The following OR5A2 variants were observed in gnomAD, a reference collection of about 807,000 sequenced individuals.
The protein encoded by OR5A2 is olfactory receptor 5A2.
For synonymous variants in OR5A2, 155 were observed against 151.1 expected, an observed-to-expected ratio of 1.03 and a Z score of -0.19; for missense variants, 406 against 398.9, an observed-to-expected ratio of 1.02 and a Z score of -0.15.
chr11:59,423,145 T>C, intron 1 of OR5A2, 101 bp from the exon 2 acceptor site: 1 of 610,600 alleles, frequency 1.6e-6, no homozygotes, highest in Non-Finnish European at 2.9e-6. Flanking sequence ...CAGCCTAGGA[T>C]AATCCATATG....
chr11:59,422,735 G>A lies in OR5A2; in HGVS notation c.219C>T (p.Cys73=), dbSNP rs374042824. 1.9e-6 allele frequency: 3 copies of A among 1,614,014 alleles called. No homozygotes were observed. The highest frequency in any genetic ancestry group is 2.7e-5 in the African/African-American group (2 of 74,932). Residue 73 remains cysteine, a synonymous_variant, in exon 2 of 2, where the codon TGC becomes TGT. Transcript: ENST00000302040. ...TCTTAGGGGCGGTGGAGGACACATA[G>A]CAGATGTCCAGGAAGGACAGGTTAC... ...FLSNLSFLDI[C]YVSSTAPKML...
Position 59,422,755 on chromosome 11 carries a change from G to C in OR5A2, c.199C>G (p.Leu67Val). Reference sequence around the variant, plus strand: ...ACATAGCAGATGTCCAGGAAGGACAGGTTACTGAGGAAGAAGTACATGGGC... The same window carrying C: ...ACATAGCAGATGTCCAGGAAGGACACGTTACTGAGGAAGAAGTACATGGGC... The part of the protein sequence containing the change: ...HMPMYFFLSN[L>V]SFLDICYVSS... Residue 67 changes from leucine (L) to valine (V), a missense_variant, in exon 2 of 2, where the codon CTG becomes GTG. Physicochemically the swap from Leu to Val is conservative, Grantham distance 32. Transcript: ENST00000302040. 1 of 1,614,174 alleles carries C rather than the reference G, an allele frequency of 6.2e-7. No individual in the cohort carries two copies. Among genetic ancestry groups the C allele is most frequent in the Non-Finnish European group, 8.5e-7 (1 of 1,180,004 alleles).
At chr11:59,424,785 G>T (rs1435442400) in intron 1 of OR5A2, 1 of 152,096 alleles carries the variant, frequency 6.6e-6, no homozygotes, top group Non-Finnish European at 1.5e-5. Flanking sequence ...ATTAAAAACT[G>T]CTCCTAGCTT....
Position 59,422,659 on chromosome 11 carries a change from C to T in OR5A2, c.295G>A (p.Ala99Thr). 1 of 1,614,164 alleles carries T rather than the reference C, an allele frequency of 6.2e-7. No homozygotes were observed. Among genetic ancestry groups the T allele is most frequent in the Non-Finnish European group, 8.5e-7 (1 of 1,180,030 alleles). Reference sequence around the variant, plus strand: ...CCACAGAAGACAAAGTACTGAGTGGCACAGCCAACAAAGGAAATGGTTTTC... The same window carrying T: ...CCACAGAAGACAAAGTACTGAGTGGTACAGCCAACAAAGGAAATGGTTTTC... ...EQKTISFVGC[A>T]TQYFVFCGMG... The change falls in exon 2 of 2, where the codon GCC becomes ACC. Residue 99 changes from alanine to threonine, a missense_variant. Transcript: ENST00000302040.
chr11:59,419,268 A>G lies in OR5A2; in HGVS notation c.*2711T>C, dbSNP rs955192765. The G allele has an allele frequency of 6.6e-6, 1 of 152,176 alleles. No individual in the cohort carries two copies. The highest frequency in any genetic ancestry group is 1.5e-5 in the Non-Finnish European group (1 of 68,024). The allele number at this position is 152,176 out of a possible 1,614,324, so 9.4% of individuals were successfully genotyped here. On this transcript the variant is annotated 3_prime_UTR_variant, in exon 2 of 2. Coordinates refer to ENST00000302040, the MANE Select transcript of OR5A2 (RefSeq NM_001001954.2). ...AAACTTATTTCTTTGGTCTCTTTTT[A>G]ACACATTACCCGGATTTTCCTTGAC...
chr11:59,419,177 T>C lies in OR5A2; in HGVS notation c.*2802A>G, dbSNP rs940540187. The stretch of plus-strand genomic sequence containing the variant: ...TGCTTCTGATATGCAAGAGAAATCA[T>C]AGAGATAGTAATATGGGTGCACCTG... On this transcript the variant is annotated 3_prime_UTR_variant, in exon 2 of 2. Coordinates refer to ENST00000302040, the MANE Select transcript of OR5A2 (RefSeq NM_001001954.2). The C allele has an allele frequency of 1.3e-5, 2 of 152,148 alleles. No homozygotes were observed. The highest frequency in any genetic ancestry group is 1.5e-5 in the Non-Finnish European group (1 of 68,020). The allele number at this position is 152,148 out of a possible 1,614,324, so 9.4% of individuals were successfully genotyped here.
chr11:59,422,260 C>A lies in OR5A2; in HGVS notation c.694G>T (p.Ala232Ser), dbSNP rs1276251405. 1 of 1,613,980 alleles carries A rather than the reference C, an allele frequency of 6.2e-7. No individual in the cohort carries two copies. The highest frequency in any genetic ancestry group is 1.3e-5 in the African/African-American group (1 of 74,898). Residue 232 changes from alanine to serine, a missense_variant, in exon 2 of 2, where the codon GCT becomes TCT. Transcript: ENST00000302040. ...CTGAAGGCCTTTGTCCTACCTGTAG[C>A]TGAGCTGATCTTCACAACAGCAGCA... is the stretch of plus-strand genomic sequence containing the variant. ...IVAAVVKISSATGRTKAFSTC... is the reference protein window; with the variant it reads ...IVAAVVKISSSTGRTKAFSTC...
chr11:59,417,929 C>CT lies in OR5A2; in HGVS notation c.*4049dup, dbSNP rs1176072409. 2.0e-5 allele frequency: 3 copies of CT among 152,182 alleles called. No homozygotes were observed. The highest frequency in any genetic ancestry group is 3.9e-4 in the East Asian group (2 of 5,144). The allele number at this position is 152,182 out of a possible 1,614,324, so 9.4% of individuals were successfully genotyped here. A position where few individuals can be genotyped will look rare whatever the true frequency, so the allele number is the denominator to read the frequency against. On this transcript the variant is annotated 3_prime_UTR_variant, in exon 2 of 2. Coordinates refer to ENST00000302040, the MANE Select transcript of OR5A2 (RefSeq NM_001001954.2). ...ACAACAACAAGGTGTCTACAAAACT[C>CT]TAACACTTAAACCATAAAATCAGCC...
chr11:59,421,161 G>T lies in OR5A2; in HGVS notation c.*818C>A. On this transcript the variant is annotated 3_prime_UTR_variant, in exon 2 of 2. Transcript: ENST00000302040. Reference sequence around the variant, plus strand: ...TTACAATCATGGCAGAAGGCAAAGGGGGAGCAGGTACATCACATGACAAAA... The same window carrying T: ...TTACAATCATGGCAGAAGGCAAAGGTGGAGCAGGTACATCACATGACAAAA... The T allele has an allele frequency of 6.5e-6, 1 of 153,080 alleles. No homozygotes were observed. The highest frequency in any genetic ancestry group is 2.1e-4 in the South Asian group (1 of 4,860). 9.5% of individuals were successfully genotyped at this position (153,080 alleles called of 1,614,324 possible). A position where few individuals can be genotyped will look rare whatever the true frequency, so the allele number is the denominator to read the frequency against.
At chr11:59,424,955 C>T (rs1334838348) in intron 1 of OR5A2, 1 of 152,174 alleles carries the variant, frequency 6.6e-6, no homozygotes, top group Non-Finnish European at 1.5e-5. Flanking sequence ...GAAATCTTCC[C>T]TACCAGAATG....
rs1858207790 is a variant in OR5A2 at position 59,420,405 on chromosome 11, CT to C, written c.*1573del. 2 of 152,076 alleles carry C rather than the reference CT, an allele frequency of 1.3e-5. No homozygotes were observed. The highest frequency in any genetic ancestry group is 4.8e-5 in the African/African-American group (2 of 41,400). The allele number at this position is 152,076 out of a possible 1,614,324, so 9.4% of individuals were successfully genotyped here. A position where few individuals can be genotyped will look rare whatever the true frequency, so the allele number is the denominator to read the frequency against. On this transcript the variant is annotated 3_prime_UTR_variant, in exon 2 of 2. Transcript: ENST00000302040. The stretch of plus-strand genomic sequence containing the variant: ...ACTAAGGAAATCTCTTCTATTTCTT[CT>C]ATTTGGATAATGATTAAGCATTATA...
Position 59,422,796 on chromosome 11 carries a change from T to C in OR5A2, c.158A>G (p.Asp53Gly), listed in dbSNP as rs1180058275. Residue 53 changes from aspartate (D) to glycine (G), a missense_variant, in exon 2 of 2, where the codon GAC becomes GGC. By Grantham distance (94) the Asp-to-Gly change is moderately conservative (BLOSUM62 -1). Coordinates refer to ENST00000302040, the MANE Select transcript of OR5A2 (RefSeq NM_001001954.2). ...NLSLIALIKMDSHLHMPMYFF... is the reference protein window; with the variant it reads ...NLSLIALIKMGSHLHMPMYFF... ...GTACATGGGCATGTGCAGGTGAGAGTCCATCTTAATGAGGGCAATGAGGCT... is the reference window on the plus strand; with the variant it reads ...GTACATGGGCATGTGCAGGTGAGAGCCCATCTTAATGAGGGCAATGAGGCT... 2 of 1,613,822 alleles carry C rather than the reference T, an allele frequency of 1.2e-6. No individual in the cohort carries two copies. The highest frequency in any genetic ancestry group is 1.7e-6 in the Non-Finnish European group (2 of 1,179,942).
rs1301559273 is a variant in OR5A2, at chr11:59,417,256, G to T, written c.*4723C>A. 1 of 152,014 alleles carries T rather than the reference G, an allele frequency of 6.6e-6. No homozygotes were observed. The highest frequency in any genetic ancestry group is 2.4e-5 in the African/African-American group (1 of 41,400). 9.4% of individuals were successfully genotyped at this position (152,014 alleles called of 1,614,324 possible). A position where few individuals can be genotyped will look rare whatever the true frequency, so the allele number is the denominator to read the frequency against. The stretch of plus-strand genomic sequence containing the variant: ...TAGATACTGCCAGCCATTTGGTCTG[G>T]CAATTCTGAAGAGAGATGCTGCTAT... On this transcript the variant is annotated 3_prime_UTR_variant, in exon 2 of 2. Transcript: ENST00000302040.
Position 59,419,707 on chromosome 11 carries a change from T to C in OR5A2, c.*2272A>G, listed in dbSNP as rs2134521001. 1 of 152,292 alleles carries C rather than the reference T, an allele frequency of 6.6e-6. No homozygotes were observed. Among genetic ancestry groups the C allele is most frequent in the East Asian group, 1.9e-4 (1 of 5,172 alleles). The allele number at this position is 152,292 out of a possible 1,614,324, so 9.4% of individuals were successfully genotyped here. A position where few individuals can be genotyped will look rare whatever the true frequency, so the allele number is the denominator to read the frequency against. Reference sequence around the variant, plus strand: ...AAACATTTTCTGGCAGACAATTGGTTGAGTTCGTCTGAAGACCTGGGATTA... The same window carrying C: ...AAACATTTTCTGGCAGACAATTGGTCGAGTTCGTCTGAAGACCTGGGATTA... On this transcript the variant is annotated 3_prime_UTR_variant, in exon 2 of 2. Transcript: ENST00000302040.
Position 59,422,126 on chromosome 11 carries a change from GGACACCACC to G in OR5A2, c.819_827del (p.Lys273_Ser276delinsAsn), listed in dbSNP as rs1858231282. The G allele has an allele frequency of 6.2e-7, 1 of 1,613,930 alleles. No individual in the cohort carries two copies. Among genetic ancestry groups the G allele is most frequent in the East Asian group, 2.2e-5 (1 of 44,888 alleles). ...CGGGGATCACCAAGGCATAGAATAT[GGACACCACC>G]TTGTCCCTGTTTAGGGAGTAGCTGG... On this transcript the variant is annotated inframe_deletion, in exon 2 of 2. Coordinates refer to ENST00000302040, the MANE Select transcript of OR5A2 (RefSeq NM_001001954.2).
Position 59,417,750 on chromosome 11 carries a change from G to A in OR5A2, c.*4229C>T, listed in dbSNP as rs765418357. On this transcript the variant is annotated 3_prime_UTR_variant, in exon 2 of 2. Coordinates refer to ENST00000302040, the MANE Select transcript of OR5A2 (RefSeq NM_001001954.2). ...AGTAGGCAAGCTCTAGGTTTGTGAA[G>A]GTTTAAGACTAGAAACATAAGACTA... is the stretch of plus-strand genomic sequence containing the variant. 6.6e-6 allele frequency: 1 copy of A among 151,954 alleles called. No homozygotes were observed. The highest frequency in any genetic ancestry group is 1.5e-5 in the Non-Finnish European group (1 of 67,966). The allele number at this position is 151,954 out of a possible 1,614,324, so 9.4% of individuals were successfully genotyped here.
Position 59,417,307 on chromosome 11 carries a change from A to G in OR5A2, c.*4672T>C, listed in dbSNP as rs999699435. 3 of 152,070 alleles carry G rather than the reference A, an allele frequency of 2.0e-5. No individual in the cohort carries two copies. The East Asian group carries it at 5.8e-4, about 29-fold the overall frequency. 9.4% of individuals were successfully genotyped at this position (152,070 alleles called of 1,614,324 possible). The stretch of plus-strand genomic sequence containing the variant: ...ATCTAGTTTGTAAAAGTTCCAAGCC[A>G]TGAATGCAAGAGACCGGTGTGGCTA... On this transcript the variant is annotated 3_prime_UTR_variant, in exon 2 of 2. Coordinates refer to ENST00000302040, the MANE Select transcript of OR5A2 (RefSeq NM_001001954.2).
chr11:59,417,628 G>A lies in OR5A2; in HGVS notation c.*4351C>T, dbSNP rs145040008. ...ACCTTACATGCAAGATAGTCAGGTT[G>A]CCCCTGCTTGCTTTTATGTCAGGGA... On this transcript the variant is annotated 3_prime_UTR_variant, in exon 2 of 2. Coordinates refer to ENST00000302040, the MANE Select transcript of OR5A2 (RefSeq NM_001001954.2). The A allele has an allele frequency of 7.9e-5, 12 of 152,160 alleles. No homozygotes were observed. Among genetic ancestry groups the A allele is most frequent in the African/African-American group, 2.9e-4 (12 of 41,538 alleles). The allele number at this position is 152,160 out of a possible 1,614,324, so 9.4% of individuals were successfully genotyped here. A position where few individuals can be genotyped will look rare whatever the true frequency, so the allele number is the denominator to read the frequency against.
At position 59,422,903 on chromosome 11, in the gene OR5A2, T is replaced by A. The variant is rs761607260; in HGVS notation, c.51A>T (p.Gly17=). 1 of 1,613,974 alleles carries A rather than the reference T, an allele frequency of 6.2e-7. No individual in the cohort carries two copies. Among genetic ancestry groups the A allele is most frequent in the Non-Finnish European group, 8.5e-7 (1 of 1,179,972 alleles). The part of the protein sequence containing the change: ...NTIVTKFILL[G]LSDHPQMKIF... ...TCTTCATTTGAGGATGGTCTGAAAG[T>A]CCCAGGAGAATGAATTTTGTCACAA... Residue 17 remains glycine (G), a synonymous_variant, in exon 2 of 2, where the codon GGA becomes GGT. Coordinates refer to ENST00000302040, the MANE Select transcript of OR5A2 (RefSeq NM_001001954.2).
Sources: allele counts gnomAD v4.1 joint callset, GRCh38; gene constraint gnomAD v4.1.1; transcripts MANE v1.5; gene names NCBI Gene and HGNC (gene_info 2026-07-23, HGNC 2026-07-21).